Variants in TIGAR observed in about 807,000 individuals in gnomAD.
TIGAR encodes fructose-2,6-bisphosphatase TIGAR.
TIGAR carries 7 observed loss-of-function variants against 17.9 expected under a neutral mutation model. That is an observed-to-expected ratio of 0.39 (90% confidence interval 0.22 to 0.73). TIGAR has a LOEUF of 0.73. Among genes scored for constraint, TIGAR ranks in the 30% least tolerant of loss-of-function variants. The pLI is 0.42. For missense variants in TIGAR, 258 were observed against 327.4 expected (o/e 0.79, Z 1.64); for synonymous variants, 94 against 108.6 (o/e 0.87, Z 0.84).
chr12:4,350,429 C>T (rs1204846797), intron 4 of TIGAR, among the ~76,000 whole-genome samples: 1 of 152,102 alleles, frequency 6.6e-6, no homozygotes, highest in Admixed American at 6.5e-5. Context: ...TGTTTTTTTA[C>T]ACCAACAATT....
chr12:4,345,022 G>A (rs1565449471), intron 3 of TIGAR, among the ~76,000 whole-genome samples: 3 of 152,162 alleles, frequency 2.0e-5, no homozygotes, highest in East Asian at 1.9e-4. Flanking sequence ...CTTCAAAGAG[G>A]ATAAAATACC....
intron 2 of TIGAR, among the ~76,000 whole-genome samples, chr12:4,332,740 T>C (rs10849040): frequency 0.51 from 78,118 of 152,032 alleles, 20,390 homozygotes; most frequent in East Asian, 0.71. Context: ...TCAGTTTTTA[T>C]AATTCTTCCA....
rs1864903493 is a variant in TIGAR at position 4,356,513 on chromosome 12, C to G, written c.*3822C>G. Among the ~76,000 whole-genome samples the G allele has an allele frequency of 6.6e-6, 1 of 152,154 alleles. No individual in the cohort carries two copies. The highest frequency in any genetic ancestry group is 1.5e-5 in the Non-Finnish European group (1 of 68,038). The stretch of plus-strand genomic sequence containing the variant: ...CTGCCCCTACACACGCATTGCTTCT[C>G]CTACTATCAACATCCCCCACCAGAC... On this transcript the variant is annotated 3_prime_UTR_variant, in exon 6 of 6. Transcript: ENST00000179259.
In TIGAR at chr12:4,354,397, GAGTTCTCTTTAACC is replaced by G. The variant is rs1000493641; in HGVS notation, c.*1709_*1722del. ...GAAACAAAACATAAAGATAAAAGTAGAGTTCTCTTTAACCAGCTCTCACAGTCCTGTTCCCTCCA... is the reference window on the plus strand; with the variant it reads ...GAAACAAAACATAAAGATAAAAGTAGAGCTCTCACAGTCCTGTTCCCTCCA... On this transcript the variant is annotated 3_prime_UTR_variant, in exon 6 of 6. Coordinates refer to ENST00000179259, the MANE Select transcript of TIGAR (RefSeq NM_020375.3). The G allele has an allele frequency of 1.3e-4, 20 of 151,900 alleles. No homozygotes were observed. The highest frequency in any genetic ancestry group is 4.6e-4 in the African/African-American group (19 of 41,410). The allele number at this position is 151,900 out of a possible 1,614,324, so 9.4% of individuals were successfully genotyped here.
At chr12:4,343,799 C>A (rs1864750628) in intron 3 of TIGAR, among the ~76,000 whole-genome samples, 1 of 152,128 alleles carries the variant, frequency 6.6e-6, no homozygotes, top group Non-Finnish European at 1.5e-5. Context: ...AGTTGGCACC[C>A]TAACATCACA....
At chr12:4,334,806 G>T (rs1864641144) in intron 2 of TIGAR, among the ~76,000 whole-genome samples, 1 of 152,082 alleles carries the variant, frequency 6.6e-6, no homozygotes, top group Non-Finnish European at 1.5e-5. Context: ...TGCAGTTTTG[G>T]TTCCATTTTT....
chr12:4,327,647 C>A (rs1330431079), intron 1 of TIGAR, among the ~76,000 whole-genome samples: 1 of 152,098 alleles, frequency 6.6e-6, no homozygotes, highest in African/African-American at 2.4e-5. Context: ...GGCATGGAGG[C>A]AGTTTTAGGC....
In TIGAR at chr12:4,356,558, G is replaced by A. The variant is rs561238240; in HGVS notation, c.*3867G>A. On this transcript the variant is annotated 3_prime_UTR_variant, in exon 6 of 6. Coordinates refer to ENST00000179259, the MANE Select transcript of TIGAR (RefSeq NM_020375.3). ...CCAGACCAGTGCATCTGTTACCATC[G>A]GTGAGCCCACATTACACTGACATAT... is the stretch of plus-strand genomic sequence containing the variant. Among the ~76,000 whole-genome samples the A allele has an allele frequency of 3.9e-5, 6 of 151,930 alleles. No individual in the cohort carries two copies. The highest frequency in any genetic ancestry group is 1.2e-4 in the African/African-American group (5 of 41,330).
At chr12:4,324,612 C>A (rs1864518561) in intron 1 of TIGAR, 3 of 1,561,292 alleles carry the variant, frequency 1.9e-6, no homozygotes, top group Admixed American at 3.7e-5. Context: ...TGGGCGGTGC[C>A]TCCTTCTTGG....
chr12:4,339,800 T>C (rs1199948872), intron 3 of TIGAR, among the ~76,000 whole-genome samples: 1 of 152,188 alleles, frequency 6.6e-6, no homozygotes, highest in Non-Finnish European at 1.5e-5. Context: ...AGAAACCATA[T>C]GATCATTTCA....
Position 4,349,867 on chromosome 12 carries a change from G to A in TIGAR, c.241G>A (p.Val81Ile), listed in dbSNP as rs776388891. The change falls in exon 4 of 6, where the codon GTA becomes ATA. Residue 81 changes from valine (V) to isoleucine (I), a missense_variant. Transcript: ENST00000179259. ...AAGCAAATTTTGCAAAGATATGACG[G>A]TAAAGTATGACTCAAGACTTCGGGA... Reference protein sequence around the residue: ...ERSKFCKDMTVKYDSRLRERK... With the variant: ...ERSKFCKDMTIKYDSRLRERK... 1.3e-6 allele frequency: 2 copies of A among 1,574,394 alleles called. No individual in the cohort carries two copies. The highest frequency in any genetic ancestry group is 1.7e-6 in the Non-Finnish European group (2 of 1,166,410).
intron 1 of TIGAR, among the ~76,000 whole-genome samples, chr12:4,327,798 G>A (rs1260263334): frequency 6.6e-6 from 1 of 152,006 alleles, no homozygotes; most frequent in African/African-American, 2.4e-5. Flanking sequence ...CTCCCGAGTC[G>A]CTGGGACTAC....
intron 1 of TIGAR, among the ~76,000 whole-genome samples, chr12:4,323,029 G>T (rs1864497520): frequency 6.6e-6 from 1 of 151,724 alleles, no homozygotes; most frequent in Non-Finnish European, 1.5e-5. Flanking sequence ...ACGTTGGGGG[G>T]CGGAAGTGGG....
Position 4,357,173 on chromosome 12 carries a change from C to T in TIGAR, c.*4482C>T, listed in dbSNP as rs550663254. Among the ~76,000 whole-genome samples, 89 of 152,326 alleles carry T rather than the reference C, an allele frequency of 5.8e-4. 1 individual carries two copies. In the South Asian group the frequency reaches 0.01, roughly 18 times the overall value. On this transcript the variant is annotated 3_prime_UTR_variant, in exon 6 of 6. Coordinates refer to ENST00000179259, the MANE Select transcript of TIGAR (RefSeq NM_020375.3). ...TTATGCAGGAAGTGCAATATTTGGC[C>T]ATATCACTTAAGTACATATGCTTAT...
intron 3 of TIGAR, among the ~76,000 whole-genome samples, chr12:4,344,018 G>A (rs1224878140): frequency 6.6e-6 from 1 of 152,066 alleles, no homozygotes; most frequent in Non-Finnish European, 1.5e-5. Flanking sequence ...GAATCAAATG[G>A]AAGCAATAAA....
At chr12:4,341,899 G>A (rs1305730082) in intron 3 of TIGAR, among the ~76,000 whole-genome samples, 1 of 152,204 alleles carries the variant, frequency 6.6e-6, no homozygotes, top group East Asian at 1.9e-4. Context: ...TGACTTTGAC[G>A]AGCTGAGAGA....
rs1347015504 is a variant in TIGAR at position 4,354,358 on chromosome 12, C to T, written c.*1667C>T. On this transcript the variant is annotated 3_prime_UTR_variant, in exon 6 of 6. Coordinates refer to ENST00000179259, the MANE Select transcript of TIGAR (RefSeq NM_020375.3). ...CCACCATACTGAAGTCATCTTTCCA[C>T]TTTTTTTTTTAAAGAAACAAAACAT... 2 of 148,734 alleles carry T rather than the reference C, an allele frequency of 1.3e-5. No homozygotes were observed. The highest frequency in any genetic ancestry group is 2.5e-5 in the African/African-American group (1 of 40,594). 9.2% of individuals were successfully genotyped at this position (148,734 alleles called of 1,614,324 possible). A position where few individuals can be genotyped will look rare whatever the true frequency, so the allele number is the denominator to read the frequency against.
chr12:4,339,668 T>G (rs1290980111), intron 3 of TIGAR, among the ~76,000 whole-genome samples: 2 of 152,066 alleles, frequency 1.3e-5, no homozygotes, highest in East Asian at 1.9e-4. Context: ...CAAACCAAAT[T>G]CAACAATACC....
At chr12:4,343,536 T>C (rs1008367437) in intron 3 of TIGAR, among the ~76,000 whole-genome samples, 1 of 152,208 alleles carries the variant, frequency 6.6e-6, no homozygotes, top group Non-Finnish European at 1.5e-5. Flanking sequence ...AAACTATCTC[T>C]CAGACCATAG....
Sources: gnomAD v4.1 joint callset for allele counts (sites outside exome capture counted in the v4.1 genomes callset) on GRCh38, gnomAD v4.1.1 for gene constraint, MANE v1.5 for transcripts, NCBI Gene and HGNC (gene_info 2026-07-23, HGNC 2026-07-21) for gene names.